SLC8A1: variants seen among roughly 807,000 people sequenced by gnomAD.
SLC8A1 encodes sodium/calcium exchanger 1.
A neutral mutation model predicts 68.3 loss-of-function variants in SLC8A1; 18 were observed. The observed-to-expected ratio is 0.26, with a 90% CI of 0.18 to 0.39. The LOEUF is 0.39. Ranked by LOEUF, SLC8A1 falls within the 10% of genes least tolerant of loss-of-function variation. SLC8A1 has a pLI of 1.00. For missense variants in SLC8A1, 985 were observed against 1,156.7 expected (o/e 0.85, Z 2.15); for synonymous variants, 475 against 415.5 (o/e 1.14, Z -1.74).
At chr2:40,178,102 G>A (rs1297528164) in intron 2 of SLC8A1, among the ~76,000 whole-genome samples, 1 of 152,144 alleles carries the variant, frequency 6.6e-6, no homozygotes, top group African/African-American at 2.4e-5. Flanking sequence ...CCCATTTTGG[G>A]GTATTTTGGC....
chr2:40,220,896 C>G (rs1208063503), intron 2 of SLC8A1, among the ~76,000 whole-genome samples: 1 of 150,940 alleles, frequency 6.6e-6, no homozygotes, highest in Non-Finnish European at 1.5e-5. Context: ...TCCTATCAAC[C>G]AAAAAAAAGC....
chr2:40,361,446 T>C (rs533661643), intron 2 of SLC8A1, among the ~76,000 whole-genome samples: 2 of 148,746 alleles, frequency 1.3e-5, no homozygotes, highest in African/African-American at 5.0e-5. Flanking sequence ...TGCACATTAG[T>C]AGAGCTCCTG....
rs117367931 is a variant in SLC8A1 at position 40,186,123 on chromosome 2, G to A, written c.1809-8268C>T. Reference sequence around the variant, plus strand: ...TCCTTTCTTTTCCCCAAAATATAAGGTATTATGAAAATGTCAGAAGCAGCT... The same window carrying A: ...TCCTTTCTTTTCCCCAAAATATAAGATATTATGAAAATGTCAGAAGCAGCT... On this transcript the variant is annotated intron_variant, in intron 2 of 7. Transcript: ENST00000406785. 7.2e-5 allele frequency among the ~76,000 whole-genome samples: 11 copies of A among 152,202 alleles called. No individual in the cohort carries two copies. The East Asian group carries it at 2.1e-3, about 29-fold the overall frequency.
chr2:40,145,965 C>A (rs2042387299), intron 6 of SLC8A1, among the ~76,000 whole-genome samples: 1 of 125,792 alleles, frequency 7.9e-6, no homozygotes, highest in South Asian at 2.4e-4. Flanking sequence ...AAGAGTTGAT[C>A]TCTCTTTTTT....
intron 2 of SLC8A1, among the ~76,000 whole-genome samples, chr2:40,227,707 TTAA>T (rs200239606): frequency 5.9e-5 from 9 of 151,838 alleles, no homozygotes; most frequent in East Asian, 1.9e-4. Context: ...ACTTAAAAGT[TTAA>T]TAATAATAAT....
intron 2 of SLC8A1, among the ~76,000 whole-genome samples, chr2:40,393,091 T>C (rs1406263782): frequency 6.6e-6 from 1 of 152,066 alleles, no homozygotes; most frequent in African/African-American, 2.4e-5. Flanking sequence ...ATTCAGATTT[T>C]AAAAAATATG....
chr2:40,449,855 C>G (rs1279816068), intron 1 of SLC8A1, among the ~76,000 whole-genome samples: 1 of 152,028 alleles, frequency 6.6e-6, no homozygotes, highest in Non-Finnish European at 1.5e-5. Context: ...CTGTTCAGTC[C>G]TTTTTGTTGC....
At chr2:40,390,256 T>G (rs1221105399) in intron 2 of SLC8A1, among the ~76,000 whole-genome samples, 7 of 152,150 alleles carry the variant, frequency 4.6e-5, no homozygotes, top group Non-Finnish European at 4.4e-5. Context: ...AGGAGCAGAT[T>G]CTGTTCAGCT....
intron 2 of SLC8A1, among the ~76,000 whole-genome samples, chr2:40,374,187 G>A (rs1679059642): frequency 1.3e-5 from 2 of 152,014 alleles, no homozygotes; most frequent in African/African-American, 4.8e-5. Context: ...AAGTCACTTT[G>A]TGCTCAGGTG....
chr2:40,336,882 G>A (rs1666141887), intron 2 of SLC8A1, among the ~76,000 whole-genome samples: 2 of 152,134 alleles, frequency 1.3e-5, no homozygotes. Flanking sequence ...AACTCCCTGA[G>A]CCACAGTTTC....
chr2:40,253,946 G>T (rs192847353), intron 2 of SLC8A1, among the ~76,000 whole-genome samples: 4 of 142,048 alleles, frequency 2.8e-5, no homozygotes, highest in African/African-American at 1.1e-4. Flanking sequence ...ATAAGTTCCA[G>T]TGTTTGATAG....
chr2:40,452,256 G>C (rs1702654202), upstream of SLC8A1, among the ~76,000 whole-genome samples: 1 of 150,810 alleles, frequency 6.6e-6, no homozygotes, highest in East Asian at 2.0e-4. Context: ...CGCGGCTGCC[G>C]GGCGCCCCGG....
At chr2:40,129,533 G>A (rs928745532) in intron 7 of SLC8A1, among the ~76,000 whole-genome samples, 1 of 152,146 alleles carries the variant, frequency 6.6e-6, no homozygotes, top group Admixed American at 6.5e-5. Flanking sequence ...AGCACACCTG[G>A]CCACCTTCAT....
At chr2:40,275,433 C>T (rs1054457390) in intron 2 of SLC8A1, among the ~76,000 whole-genome samples, 4 of 152,224 alleles carry the variant, frequency 2.6e-5, no homozygotes, top group African/African-American at 7.2e-5. Flanking sequence ...AAACAAACTG[C>T]TCTACCTATG....
chr2:40,422,041 G>C (rs898362805), intron 2 of SLC8A1, among the ~76,000 whole-genome samples: 2 of 152,112 alleles, frequency 1.3e-5, no homozygotes, highest in Admixed American at 1.3e-4. Context: ...ACAGCAGCTT[G>C]AGTCCTGCCT....
intron 2 of SLC8A1, among the ~76,000 whole-genome samples, chr2:40,343,314 T>C (rs544664717): frequency 6.6e-6 from 1 of 152,160 alleles, no homozygotes; most frequent in Non-Finnish European, 1.5e-5. Flanking sequence ...TATAAACATG[T>C]CTATGAACAT....
chr2:40,481,173 A>T (rs1704604337), intron 1 of SLC8A1, among the ~76,000 whole-genome samples: 1 of 152,226 alleles, frequency 6.6e-6, no homozygotes, highest in South Asian at 2.1e-4. Context: ...TTGCTCATAC[A>T]CCATAGTATT....
At chr2:40,444,177 T>TAAAATTA in intron 1 of SLC8A1, among the ~76,000 whole-genome samples, 1 of 151,920 alleles carries the variant, frequency 6.6e-6, no homozygotes, top group East Asian at 1.9e-4. Context: ...TCTACAAAAA[T>TAAAATTA]AAAATTAAAA....
At chr2:40,323,752 T>C (rs1298190328) in intron 2 of SLC8A1, among the ~76,000 whole-genome samples, 1 of 152,042 alleles carries the variant, frequency 6.6e-6, no homozygotes, top group Non-Finnish European at 1.5e-5. Flanking sequence ...TTTAACTAGA[T>C]CCTAAATCCA....
Sources: gnomAD v4.1 joint callset for allele counts (sites outside exome capture counted in the v4.1 genomes callset) on GRCh38, gnomAD v4.1.1 for gene constraint, MANE v1.5 for transcripts, NCBI Gene and HGNC (gene_info 2026-07-23, HGNC 2026-07-21) for gene names.